The following RGL1 variants were observed in gnomAD, a reference collection of about 807,000 sequenced individuals.
RGL1 encodes the protein ral guanine nucleotide dissociation stimulator-like 1.
A neutral mutation model predicts 95.2 loss-of-function variants in RGL1; 24 were observed. That is an observed-to-expected ratio of 0.25 (90% confidence interval 0.18 to 0.35). The LOEUF (loss-of-function observed/expected upper bound fraction) is 0.35, where lower values mean the gene tolerates loss of function less well. RGL1 is among the 10% of genes least tolerant of loss of function. The pLI is 1.00. For missense variants in RGL1, 715 were observed against 936.3 expected (o/e 0.76, Z 3.08); for synonymous variants, 329 against 344.9 (o/e 0.95, Z 0.51).
intron 1 of RGL1, among the ~76,000 whole-genome samples, chr1:183,684,442 C>T (rs1007291738): frequency 7.2e-5 from 11 of 152,234 alleles, no homozygotes; most frequent in African/African-American, 2.6e-4. Flanking sequence ...CCTCCTTCCA[C>T]CAAGCTCGAG....
chr1:183,837,549 C>A (rs1326504342), intron 2 of RGL1, among the ~76,000 whole-genome samples: 1 of 151,794 alleles, frequency 6.6e-6, no homozygotes, highest in Admixed American at 6.6e-5. Flanking sequence ...TCAAACTCCT[C>A]TCCCTCCGTG....
At chr1:183,767,628 C>A (rs1174841644) in intron 2 of RGL1, among the ~76,000 whole-genome samples, 1 of 152,134 alleles carries the variant, frequency 6.6e-6, no homozygotes, top group Admixed American at 6.5e-5. Flanking sequence ...TGGCTCCATG[C>A]TAAATCTGGC....
At chr1:183,840,798 G>A (rs1028601740) in intron 2 of RGL1, among the ~76,000 whole-genome samples, 1 of 152,060 alleles carries the variant, frequency 6.6e-6, no homozygotes, top group South Asian at 2.1e-4. Context: ...AGGCTGAGGT[G>A]GGAGGAATGC....
chr1:183,821,498 C>T (rs1250815132), intron 2 of RGL1, among the ~76,000 whole-genome samples: 2 of 152,136 alleles, frequency 1.3e-5, no homozygotes, highest in Non-Finnish European at 2.9e-5. Context: ...CTGGGGTGGC[C>T]TGACTTAATC....
intron 1 of RGL1, among the ~76,000 whole-genome samples, chr1:183,700,342 G>T (rs771736866): frequency 1.6e-4 from 24 of 152,030 alleles, no homozygotes; most frequent in Non-Finnish European, 3.1e-4. Flanking sequence ...ATTATTCCAG[G>T]AGCATCTGTA....
chr1:183,808,624 G>A (rs989501869), intron 2 of RGL1, among the ~76,000 whole-genome samples: 4 of 152,122 alleles, frequency 2.6e-5, no homozygotes, highest in African/African-American at 9.7e-5. Flanking sequence ...TTGTTTTCCT[G>A]TATTCCAGTA....
intron 2 of RGL1, among the ~76,000 whole-genome samples, chr1:183,822,112 A>G (rs1040935840): frequency 4.6e-5 from 7 of 152,180 alleles, no homozygotes; most frequent in Non-Finnish European, 1.0e-4. Context: ...AAAAGGCTCC[A>G]AAAATGAAGT....
At chr1:183,778,259 C>A (rs1459394126) in intron 2 of RGL1, among the ~76,000 whole-genome samples, 2 of 152,048 alleles carry the variant, frequency 1.3e-5, no homozygotes, top group African/African-American at 4.8e-5. Flanking sequence ...TGCAGCATAG[C>A]TTAGGGTTAT....
chr1:183,731,147 A>G (rs1656608138), intron 1 of RGL1, among the ~76,000 whole-genome samples: 2 of 152,184 alleles, frequency 1.3e-5, no homozygotes, highest in South Asian at 4.1e-4. Context: ...TAAATCATAA[A>G]CCCATCAATC....
intron 2 of RGL1, among the ~76,000 whole-genome samples, chr1:183,838,720 A>T (rs1663832490): frequency 6.6e-6 from 1 of 152,248 alleles, no homozygotes; most frequent in South Asian, 2.1e-4. Context: ...TGTCTCAGCC[A>T]GTGTGAAGGT....
chr1:183,793,300 G>T (rs1660526029), intron 2 of RGL1, among the ~76,000 whole-genome samples: 1 of 152,082 alleles, frequency 6.6e-6, no homozygotes, highest in African/African-American at 2.4e-5. Context: ...ATGGATTAAA[G>T]ACTTAAACAT....
chr1:183,833,464 G>A (rs909161255), intron 2 of RGL1, among the ~76,000 whole-genome samples: 7 of 152,264 alleles, frequency 4.6e-5, no homozygotes, highest in African/African-American at 1.4e-4. Flanking sequence ...TCTACTGATC[G>A]GAATCTCTGG....
rs1656188607 is a variant in RGL1, at chr1:183,724,322, C to T, written c.-32-17804C>T. On this transcript the variant is annotated intron_variant, in intron 1 of 18. Transcript: ENST00000304685. The surrounding 1 kb of genome is among the most constrained non-coding windows in gnomAD (Gnocchi z 4.1). The stretch of plus-strand genomic sequence containing the variant: ...GAGACTTCATCTTGCAGCTTAGGTA[C>T]CAGCTCAGCCACAGCAGGGTAGAGC... Among the ~76,000 whole-genome samples the T allele has an allele frequency of 6.6e-6, 1 of 152,114 alleles. No individual in the cohort carries two copies. Among genetic ancestry groups the T allele is most frequent in the African/African-American group, 2.4e-5 (1 of 41,416 alleles).
At chr1:183,909,276 A>C (rs556257388) in intron 14 of RGL1, among the ~76,000 whole-genome samples, 2 of 152,208 alleles carry the variant, frequency 1.3e-5, no homozygotes, top group African/African-American at 2.4e-5. Flanking sequence ...TCCCACATTC[A>C]ATGGCTCATC....
At chr1:183,851,306 G>A (rs887823023) in intron 3 of RGL1, among the ~76,000 whole-genome samples, 2 of 152,170 alleles carry the variant, frequency 1.3e-5, no homozygotes, top group African/African-American at 2.4e-5. Flanking sequence ...CCCAGCTTCT[G>A]CAAGACACCA....
At chr1:183,824,196 T>G (rs972770697) in intron 2 of RGL1, among the ~76,000 whole-genome samples, 3 of 152,216 alleles carry the variant, frequency 2.0e-5, no homozygotes, top group Admixed American at 6.5e-5. Flanking sequence ...TCCGTTGTTT[T>G]CAGTCTACCT....
chr1:183,905,938 T>G (rs1205722840), intron 13 of RGL1, among the ~76,000 whole-genome samples: 1 of 152,240 alleles, frequency 6.6e-6, no homozygotes, highest in Non-Finnish European at 1.5e-5. Flanking sequence ...ATGGTTGCTT[T>G]CATGCTGTAA....
chr1:183,710,214 A>T, intron 1 of RGL1: 1 of 199,810 alleles, frequency 5.0e-6, no homozygotes, highest in Non-Finnish European at 1.1e-5. Flanking sequence ...TTCGATGCAC[A>T]CTCTTACCAG....
chr1:183,700,231 G>A (rs921893689), intron 1 of RGL1, among the ~76,000 whole-genome samples: 3 of 152,148 alleles, frequency 2.0e-5, no homozygotes, highest in African/African-American at 7.2e-5. Context: ...GGTTTTATGG[G>A]AAGAAAGGAA....
Sources: allele counts gnomAD v4.1 joint callset (sites outside exome capture counted in the v4.1 genomes callset), GRCh38; gene constraint gnomAD v4.1.1; non-coding constraint Gnocchi (gnomAD v3.1); transcripts MANE v1.5; gene names NCBI Gene and HGNC (gene_info 2026-07-23, HGNC 2026-07-21).